The following HMBOX1 variants were observed in gnomAD, a reference collection of about 807,000 sequenced individuals.
The protein encoded by HMBOX1 is homeobox-containing protein 1.
In HMBOX1, 14 loss-of-function variants were observed where a neutral mutation model predicts 54.5. That is an observed-to-expected ratio of 0.26 (90% CI 0.17 to 0.40). HMBOX1 has a LOEUF of 0.40. HMBOX1 is among the 10% of genes least tolerant of loss of function. The probability of loss-of-function intolerance (pLI) is 1.00; values close to 1 mark genes in which losing one functional copy is unlikely to be tolerated. For synonymous variants in HMBOX1, 160 were observed against 181.0 expected, an observed-to-expected ratio of 0.88 and a Z score of 0.93; for missense variants, 332 against 514.4, an observed-to-expected ratio of 0.65 and a Z score of 3.43.
intron 4 of HMBOX1, among the ~76,000 whole-genome samples, chr8:28,998,665 C>G (rs923832652): frequency 6.6e-6 from 1 of 151,922 alleles, no homozygotes; most frequent in Non-Finnish European, 1.5e-5. Context: ...GAATTTATAT[C>G]TGCCATTTTG....
At chr8:28,998,331 G>A (rs1461672759) in intron 4 of HMBOX1, among the ~76,000 whole-genome samples, 2 of 151,862 alleles carry the variant, frequency 1.3e-5, no homozygotes, top group African/African-American at 2.4e-5. Flanking sequence ...GCATTTTAGG[G>A]CTCTGTTGTT....
chr8:29,035,633 G>T (rs1309901970), intron 6 of HMBOX1, among the ~76,000 whole-genome samples: 2 of 152,196 alleles, frequency 1.3e-5, no homozygotes, highest in Non-Finnish European at 2.9e-5. Context: ...GTTTCCGCTG[G>T]TATGACCTTA....
intron 4 of HMBOX1, among the ~76,000 whole-genome samples, chr8:28,994,704 G>A (rs1831528379): frequency 6.6e-6 from 1 of 152,130 alleles, no homozygotes. Context: ...TAGCATTATA[G>A]AGCAAAAGAT....
rs771335178 is a variant in HMBOX1, at chr8:29,051,084, A to T, written c.1192A>T (p.Asn398Tyr). Residue 398 changes from asparagine (N) to tyrosine (Y), a missense_variant, in exon 10 of 10, where the codon AAC becomes TAC. By Grantham distance (143) the Asn-to-Tyr change is moderately radical. Transcript: ENST00000287701. Reference sequence around the variant, plus strand: ...ATTAGCTGTGGAAATGGCAGCAGTCAACCACACTATCTTGGCATTGGCCCG... The same window carrying T: ...ATTAGCTGTGGAAATGGCAGCAGTCTACCACACTATCTTGGCATTGGCCCG... ...ISLAVEMAAV[N>Y]HTILALARQG... The T allele has an allele frequency of 6.2e-7, 1 of 1,613,832 alleles. No homozygotes were observed.
rs747484269 is a variant in HMBOX1 at position 29,009,103 on chromosome 8, G to A, written c.618G>A (p.Leu206=). The A allele has an allele frequency of 2.5e-6, 4 of 1,613,416 alleles. No homozygotes were observed. Among genetic ancestry groups the A allele is most frequent in the Middle Eastern group, 1.6e-4 (1 of 6,080 alleles). The stretch of plus-strand genomic sequence containing the variant: ...GTCAGAGCCGGATCTCTCATTGGCT[G>A]TTGCAGCAGGGATCAGACCTGAGTG... The part of the protein sequence containing the change: ...GISQSRISHW[L]LQQGSDLSEQ... The change falls in exon 5 of 10, where the codon CTG becomes CTA. Residue 206 remains leucine, a synonymous_variant. Transcript: ENST00000287701.
At chr8:29,034,268 C>A (rs1803474464) in intron 6 of HMBOX1, among the ~76,000 whole-genome samples, 1 of 152,130 alleles carries the variant, frequency 6.6e-6, no homozygotes, top group South Asian at 2.1e-4. Context: ...ACCTAGGAGT[C>A]CTGATTATAG....
chr8:28,966,478 TAATTC>T (rs1289457217), intron 2 of HMBOX1, among the ~76,000 whole-genome samples: 15 of 152,320 alleles, frequency 9.8e-5, no homozygotes, highest in Non-Finnish European at 1.9e-4. Flanking sequence ...ATAAGAAAAT[TAATTC>T]AATTCTTACA....
intron 1 of HMBOX1, among the ~76,000 whole-genome samples, chr8:28,907,546 C>T (rs1320065229): frequency 6.6e-6 from 1 of 151,990 alleles, no homozygotes; most frequent in African/African-American, 2.4e-5. Context: ...ACATCTCATC[C>T]AGGTAGTATA....
chr8:28,941,883 A>T (rs1460546540), intron 1 of HMBOX1, among the ~76,000 whole-genome samples: 1 of 152,190 alleles, frequency 6.6e-6, no homozygotes, highest in Non-Finnish European at 1.5e-5. Flanking sequence ...CCTCTTGCTT[A>T]CACAAACCCC....
intron 1 of HMBOX1, among the ~76,000 whole-genome samples, chr8:28,913,391 C>T (rs1257235320): frequency 6.6e-6 from 1 of 152,138 alleles, no homozygotes; most frequent in African/African-American, 2.4e-5. Flanking sequence ...GCCTGTTACC[C>T]CACATGCTGT....
At chr8:29,049,413 G>A (rs992156590) in intron 9 of HMBOX1, 34 of 1,529,960 alleles carry the variant, frequency 2.2e-5, no homozygotes, top group African/African-American at 1.4e-4. Flanking sequence ...CACCATTCAC[G>A]ACACACACTC....
In HMBOX1 at chr8:29,042,600, T is replaced by TA. The variant is rs571976675; in HGVS notation, c.852-2754dup. Reference sequence around the variant, plus strand: ...TTAAGGTTGAAAAATGTGGATTTATTAAAAAAACCAATTGGCCCTATTTTA... The same window carrying TA: ...TTAAGGTTGAAAAATGTGGATTTATTAAAAAAAACCAATTGGCCCTATTTTA... On this transcript the variant is annotated intron_variant, in intron 6 of 9. Transcript: ENST00000287701. 80 of 454,786 alleles carry TA rather than the reference T, an allele frequency of 1.8e-4. No individual in the cohort carries two copies. The East Asian group carries it at 2.8e-3, about 16-fold the overall frequency. 28.2% of individuals were successfully genotyped at this position (454,786 alleles called of 1,614,324 possible).
At chr8:28,917,033 C>T (rs527447393) in intron 1 of HMBOX1, among the ~76,000 whole-genome samples, 2 of 148,174 alleles carry the variant, frequency 1.3e-5, no homozygotes, top group South Asian at 2.1e-4. Context: ...TATCACTGCA[C>T]TCCAGCCTGG....
At chr8:29,049,213 T>A in intron 9 of HMBOX1, 165 bp downstream of exon 9, 1 of 1,502,188 alleles carries the variant, frequency 6.7e-7, no homozygotes, top group South Asian at 1.3e-5. Flanking sequence ...TTGAAAGGAA[T>A]GTGGTAAGAT....
chr8:28,949,027 G>A (rs1822958428), intron 1 of HMBOX1, among the ~76,000 whole-genome samples: 1 of 152,178 alleles, frequency 6.6e-6, no homozygotes, highest in Non-Finnish European at 1.5e-5. Context: ...CAGGGCATCT[G>A]TATTAGTTCT....
intron 1 of HMBOX1, among the ~76,000 whole-genome samples, chr8:28,938,061 C>T (rs1369493878): frequency 3.3e-5 from 5 of 152,120 alleles, no homozygotes; most frequent in African/African-American, 1.2e-4. Context: ...ATTTGTCATA[C>T]TAGAGTTCTT....
At chr8:28,999,274 G>T (rs1563553892) in intron 4 of HMBOX1, among the ~76,000 whole-genome samples, 1 of 152,102 alleles carries the variant, frequency 6.6e-6, no homozygotes, top group African/African-American at 2.4e-5. Context: ...ATTGAGCATT[G>T]CTTGTATGTA....
At position 28,963,867 on chromosome 8, in the gene HMBOX1, T is replaced by A. The variant is rs779021606; in HGVS notation, c.-1T>A. The A allele has an allele frequency of 5.0e-6, 8 of 1,601,812 alleles. No individual in the cohort carries two copies. In the East Asian group the frequency reaches 1.6e-4, roughly 31 times the overall value. The stretch of plus-strand genomic sequence containing the variant: ...GGATATTGATCCGCCTCATGTAAAG[T>A]ATGCTTAGTTCCTTTCCAGTGGTGT... On this transcript the variant is annotated 5_prime_UTR_variant, in exon 2 of 10. Transcript: ENST00000287701.
At chr8:29,016,051 G>A (rs1421115423) in intron 5 of HMBOX1, among the ~76,000 whole-genome samples, 4 of 152,258 alleles carry the variant, frequency 2.6e-5, no homozygotes, top group South Asian at 2.1e-4. Flanking sequence ...CATGCTATAA[G>A]AAATCACATA....
Sources: allele counts gnomAD v4.1 joint callset (sites outside exome capture counted in the v4.1 genomes callset), GRCh38; gene constraint gnomAD v4.1.1; transcripts MANE v1.5; gene names NCBI Gene and HGNC (gene_info 2026-07-23, HGNC 2026-07-21).